ARID3A: variants seen among roughly 807,000 people sequenced by gnomAD.
ARID3A encodes AT-rich interactive domain-containing protein 3A.
In ARID3A, 11 loss-of-function variants were observed where a neutral mutation model predicts 52.7. The ratio of observed to expected loss-of-function variants is 0.21; its 90% CI spans 0.13 to 0.35. ARID3A has a LOEUF of 0.35. Among genes scored for constraint, ARID3A ranks in the 10% least tolerant of loss-of-function variants. The probability of loss-of-function intolerance (pLI) is 1.00; values close to 1 mark genes in which losing one functional copy is unlikely to be tolerated. For synonymous variants in ARID3A, 404 were observed against 359.4 expected (o/e 1.12, Z -1.40); for missense variants, 721 against 838.5 (o/e 0.86, Z 1.73).
In ARID3A at chr19:973,104, A is replaced by ATCTTTTTTT. The variant is rs775338115; in HGVS notation, c.*1040_*1041insCTTTTTTTT. On this transcript the variant is annotated 3_prime_UTR_variant, in exon 9 of 9. Transcript: ENST00000263620. ...GGGCTCTCGAGTCAGGGGCCTGGAA[A>ATCTTTTTTT]TTTTTTTTTTTTTTTTTTTTTGAGA... The ATCTTTTTTT allele has an allele frequency of 1.4e-3, 76 of 53,674 alleles. 14 individuals are homozygous for ATCTTTTTTT. The highest frequency in any genetic ancestry group is 0.045 in the Middle Eastern group (2 of 44). 3.3% of individuals were successfully genotyped at this position (53,674 alleles called of 1,614,324 possible).
intron 6 of ARID3A, among the ~76,000 whole-genome samples, chr19:965,569 C>A (rs563094489): frequency 6.6e-6 from 1 of 151,976 alleles, no homozygotes; most frequent in Non-Finnish European, 1.5e-5. Context: ...CAACGTGCAC[C>A]TGTGGTCCCA....
At chr19:965,393 A>T in intron 6 of ARID3A, 1 of 303,066 alleles carries the variant, frequency 3.3e-6, no homozygotes, top group Non-Finnish European at 6.3e-6. Context: ...TCATCAGTTG[A>T]TCAGTTTTCC....
At chr19:931,656 CA>C (rs936595331) in intron 2 of ARID3A, among the ~76,000 whole-genome samples, 4 of 151,502 alleles carry the variant, frequency 2.6e-5, no homozygotes, top group East Asian at 2.0e-4. Flanking sequence ...ACTAAAAATA[CA>C]AAAAAATTAG....
In ARID3A at chr19:965,991, C is replaced by CA. The variant is rs35807859; in HGVS notation, c.1199-561dup. The stretch of plus-strand genomic sequence containing the variant: ...TCAGCGACAGAGTGAGACTCCGTGT[C>CA]AAAAAAAAAAAAAAAAAAAATTAGC... On this transcript the variant is annotated intron_variant, in intron 6 of 8. Coordinates refer to ENST00000263620, the MANE Select transcript of ARID3A (RefSeq NM_005224.3). Among the ~76,000 whole-genome samples the CA allele has an allele frequency of 2.5e-3, 269 of 106,546 alleles. 4 individuals carry two copies. The highest frequency in any genetic ancestry group is 9.9e-3 in the South Asian group (31 of 3,144). The allele number at this position is 106,546 out of a possible 152,430, so 69.9% of individuals were successfully genotyped here.
intron 2 of ARID3A, among the ~76,000 whole-genome samples, chr19:930,594 C>T (rs1402657698): frequency 1.3e-5 from 2 of 150,074 alleles, no homozygotes; most frequent in African/African-American, 4.9e-5. Context: ...ACTGCAACCT[C>T]CTCCTCCCGG....
At position 932,503 on chromosome 19, in the gene ARID3A, G is replaced by A. The variant is rs141023843; in HGVS notation, c.454G>A (p.Glu152Lys). The change falls in exon 3 of 9, where the codon GAG (glutamate) becomes AAG (lysine). Residue 152 changes from glutamate (E) to lysine (K), a missense_variant. Coordinates refer to ENST00000263620, the MANE Select transcript of ARID3A (RefSeq NM_005224.3). ...EEEEDYEDEE[E>K]EEDEEGLGPP... ...GGAGGAGGATTACGAGGATGAGGAG[G>A]AGGAGGAGGACGAGGAGGGGCTGGG... 1,837 of 1,556,242 alleles carry A rather than the reference G, an allele frequency of 1.2e-3. 6 individuals carry two copies. Among genetic ancestry groups the A allele is most frequent in the Non-Finnish European group, 1.5e-3 (1,748 of 1,156,710 alleles).
chr19:951,327 C>T (rs1004403861), intron 3 of ARID3A, among the ~76,000 whole-genome samples: 8 of 151,016 alleles, frequency 5.3e-5, no homozygotes, highest in African/African-American at 1.7e-4. Flanking sequence ...GAGGCCGAGG[C>T]GGGCGGATCA....
At chr19:955,480 T>A (rs2145427740) in intron 3 of ARID3A, among the ~76,000 whole-genome samples, 1 of 152,302 alleles carries the variant, frequency 6.6e-6, no homozygotes, top group African/African-American at 2.4e-5. Context: ...CGCCCACCAT[T>A]TGGCCTGGGA....
intron 8 of ARID3A, among the ~76,000 whole-genome samples, chr19:969,122 A>C (rs1043648379): frequency 6.6e-6 from 1 of 151,948 alleles, no homozygotes; most frequent in African/African-American, 2.4e-5. Context: ...TATTTTTTTT[A>C]ATTTGTAATT....
At chr19:935,881 C>G (rs2037429710) in intron 3 of ARID3A, among the ~76,000 whole-genome samples, 1 of 152,240 alleles carries the variant, frequency 6.6e-6, no homozygotes, top group Non-Finnish European at 1.5e-5. Context: ...AGCTCTACCT[C>G]CCGGGTTCAC....
At position 944,775 on chromosome 19, in the gene ARID3A, G is replaced by A. The variant is rs569082362; in HGVS notation, c.693+12033G>A. ...TGAGTAGCTGGGACCACAGACACTC[G>A]CCACCACACCCGGCTAACTTCATTT... On this transcript the variant is annotated intron_variant, in intron 3 of 8. Coordinates refer to ENST00000263620, the MANE Select transcript of ARID3A (RefSeq NM_005224.3). The surrounding 1 kb of genome is among the most constrained non-coding windows in gnomAD (Gnocchi z 5.9). Among the ~76,000 whole-genome samples the A allele has an allele frequency of 2.6e-5, 4 of 152,242 alleles. No homozygotes were observed. The highest frequency in any genetic ancestry group is 3.9e-4 in the East Asian group (2 of 5,180).
chr19:955,935 C>T (rs1463346918), intron 3 of ARID3A, among the ~76,000 whole-genome samples: 2 of 152,134 alleles, frequency 1.3e-5, no homozygotes, highest in South Asian at 2.1e-4. Flanking sequence ...CGCAGGGCTG[C>T]GCTCCCTCCA....
chr19:963,102 G>C (rs990608125), intron 4 of ARID3A, among the ~76,000 whole-genome samples: 2 of 152,156 alleles, frequency 1.3e-5, no homozygotes, highest in African/African-American at 2.4e-5. Flanking sequence ...CGGGGGTTCC[G>C]GGGGTAGCAG....
chr19:926,507 C>G (rs1429365795), intron 1 of ARID3A, among the ~76,000 whole-genome samples: 1 of 151,642 alleles, frequency 6.6e-6, no homozygotes, highest in East Asian at 2.0e-4. Flanking sequence ...GGCTGCACCC[C>G]GATATTTTAT....
rs1157941206 is a variant in ARID3A at position 944,994 on chromosome 19, T to C, written c.693+12252T>C. ...CTGTAATTCTTCCCTGACGGCCATT[T>C]TTCCGGGAGTGGCTGGGCGTCTCTG... On this transcript the variant is annotated intron_variant, in intron 3 of 8. Coordinates refer to ENST00000263620, the MANE Select transcript of ARID3A (RefSeq NM_005224.3). This position sits in a 1 kb window ranked among gnomAD's most constrained non-coding sequence, Gnocchi z 5.9. 2.6e-5 allele frequency among the ~76,000 whole-genome samples: 4 copies of C among 152,206 alleles called. No homozygotes were observed. The highest frequency in any genetic ancestry group is 9.6e-5 in the African/African-American group (4 of 41,458).
chr19:961,004 G>C (rs532670364), intron 4 of ARID3A, among the ~76,000 whole-genome samples: 3 of 152,122 alleles, frequency 2.0e-5, no homozygotes, highest in African/African-American at 7.2e-5. Context: ...AAGGGCTTCC[G>C]TCTCGCCTCC....
In ARID3A at chr19:941,547, T is replaced by C. The variant is rs971664269; in HGVS notation, c.693+8805T>C. ...TTTTGCGTGGACCTGTTGGTGAGTGTGTCCAGACGTGTGTCTGCCCTGACG... is the reference window on the plus strand; with the variant it reads ...TTTTGCGTGGACCTGTTGGTGAGTGCGTCCAGACGTGTGTCTGCCCTGACG... On this transcript the variant is annotated intron_variant, in intron 3 of 8. Coordinates refer to ENST00000263620, the MANE Select transcript of ARID3A (RefSeq NM_005224.3). The surrounding 1 kb of genome is among the most constrained non-coding windows in gnomAD (Gnocchi z 6.9). Among the ~76,000 whole-genome samples, 5 of 152,198 alleles carry C rather than the reference T, an allele frequency of 3.3e-5. No individual in the cohort carries two copies. The highest frequency in any genetic ancestry group is 7.3e-5 in the Non-Finnish European group (5 of 68,044).
chr19:926,862 A>C (rs1248521071), intron 1 of ARID3A, among the ~76,000 whole-genome samples: 5 of 151,750 alleles, frequency 3.3e-5, no homozygotes, highest in Non-Finnish European at 7.4e-5. Context: ...TTCCGTTTTT[A>C]GGCGCTCGGG....
Position 932,617 on chromosome 19 carries a change from A to G in ARID3A, c.568A>G (p.Arg190Gly), listed in dbSNP as rs1302798263. The change falls in exon 3 of 9, where the codon AGG (arginine) becomes GGG (glycine). Residue 190 changes from arginine to glycine, a missense_variant. Arg to Gly is a moderately radical substitution (Grantham distance 125). Transcript: ENST00000263620. Reference sequence around the variant, plus strand: ...GGCCTTCCGCGGCGATGGCGTTCCCAGGGTGCTGGGGGGCCAGGAGCGGCC... The same window carrying G: ...GGCCTTCCGCGGCGATGGCGTTCCCGGGGTGCTGGGGGGCCAGGAGCGGCC... Reference protein sequence around the residue: ...PQAFRGDGVPRVLGGQERPGP... With the variant: ...PQAFRGDGVPGVLGGQERPGP... The G allele has an allele frequency of 6.6e-7, 1 of 1,523,090 alleles. No homozygotes were observed. The highest frequency in any genetic ancestry group is 2.3e-5 in the Admixed American group (1 of 44,336). 94.3% of individuals were successfully genotyped at this position (1,523,090 alleles called of 1,614,324 possible). A position where few individuals can be genotyped will look rare whatever the true frequency, so the allele number is the denominator to read the frequency against.
Sources: gnomAD v4.1 joint callset for allele counts (sites outside exome capture counted in the v4.1 genomes callset) on GRCh38, gnomAD v4.1.1 for gene constraint, Gnocchi (gnomAD v3.1) non-coding constraint, MANE v1.5 for transcripts, NCBI Gene and HGNC (gene_info 2026-07-23, HGNC 2026-07-21) for gene names.